Variants in FAM186A observed in about 807,000 individuals in gnomAD.
FAM186A encodes the protein family with sequence similarity 186 member A, also known as protein FAM186A.
Under a neutral mutation model 216.8 loss-of-function variants are expected in FAM186A, and 163 were observed. The ratio of observed to expected loss-of-function variants is 0.75; its 90% CI spans 0.66 to 0.86. The LOEUF (loss-of-function observed/expected upper bound fraction) is 0.86. Among genes scored for constraint, FAM186A ranks in the 40% least tolerant of loss-of-function variants. The probability of loss-of-function intolerance (pLI) is 0.00; values close to 1 mark genes in which losing one functional copy is unlikely to be tolerated. For synonymous variants in FAM186A, 805 were observed against 1,025.3 expected (o/e 0.79, Z 4.10); for missense variants, 2,184 against 2,746.2 (o/e 0.80, Z 4.58).
chr12:50,350,576 T>C lies in FAM186A; in HGVS notation c.6256A>G (p.Lys2086Glu), dbSNP rs1228728217. Residue 2086 changes from lysine to glutamate, a missense_variant, in exon 4 of 8, where the codon AAG (lysine) becomes GAG (glutamate). By Grantham distance (56) the Lys-to-Glu change is moderately conservative. Transcript: ENST00000327337. Reference sequence around the variant, plus strand: ...GGGGGCACCATTACTTTGGGTTTCTTGGTATCTGAAACTGAACTCAGTATC... The same window carrying C: ...GGGGGCACCATTACTTTGGGTTTCTCGGTATCTGAAACTGAACTCAGTATC... ...PWILSSVSDT[K>E]KPKVMVPPSS... 6.4e-7 allele frequency: 1 copy of C among 1,551,644 alleles called. No individual in the cohort carries two copies.
At chr12:50,338,957 G>GA (rs1331923545) in intron 4 of FAM186A, among the ~76,000 whole-genome samples, 1 of 152,016 alleles carries the variant, frequency 6.6e-6, no homozygotes, top group African/African-American at 2.4e-5. Context: ...AGATTAGCAT[G>GA]ATTCTCCTAT....
At position 50,334,079 on chromosome 12, in the gene FAM186A, T is replaced by G. The variant is rs991718985; in HGVS notation, c.6528A>C (p.Lys2176Asn). Residue 2176 changes from lysine to asparagine, a missense_variant, in exon 5 of 8, where the codon AAA becomes AAC. By Grantham distance (94) the Lys-to-Asn change is moderately conservative. Transcript: ENST00000327337. ...HARNNIMKRL[K>N]AIQNTGKGYE... ...AGCCTTTCCCAGTATTTTGGATGGC[T>G]TTTAGTCGTTTCATTATGTTGTTCC... 7 of 1,547,338 alleles carry G rather than the reference T, an allele frequency of 4.5e-6. No homozygotes were observed. In the Admixed American group the frequency reaches 1.4e-4, roughly 31 times the overall value.
In FAM186A at chr12:50,351,825, G is replaced by A. The variant is rs777452496; in HGVS notation, c.5007C>T (p.His1669=). 4.0e-5 allele frequency: 62 copies of A among 1,545,250 alleles called. No individual in the cohort carries two copies. The highest frequency in any genetic ancestry group is 7.3e-5 in the East Asian group (3 of 40,908). Reference sequence around the variant, plus strand: ...CTAAGTTCATAGGGGACTCCAAAGCGTGGGTTTGCTCAGAGGTAAGAGTGA... The same window carrying A: ...CTAAGTTCATAGGGGACTCCAAAGCATGGGTTTGCTCAGAGGTAAGAGTGA... ...SAVTLTSEQT[H]ALESPMNLEQ... is the part of the protein sequence containing the mutation. The change falls in exon 4 of 8, where the codon CAC becomes CAT. Residue 1669 remains histidine, a synonymous_variant. Coordinates refer to ENST00000327337, the MANE Select transcript of FAM186A (RefSeq NM_001145475.3).
At chr12:50,346,237 A>G (rs4768969) in intron 4 of FAM186A, among the ~76,000 whole-genome samples, 38,483 of 101,778 alleles carry the variant, frequency 0.38, 9,686 homozygotes, top group South Asian at 0.53. Flanking sequence ...AAGAAAGAAA[A>G]AAAGAAAGAA....
intron 1 of FAM186A, 69 bp downstream of exon 1, chr12:50,396,224 A>G: frequency 7.2e-7 from 1 of 1,386,226 alleles, no homozygotes; most frequent in Non-Finnish European, 9.6e-7. Flanking sequence ...AAAATAAACA[A>G]AAATGTACTT....
At chr12:50,387,333 G>A (rs1406702315) in intron 1 of FAM186A, among the ~76,000 whole-genome samples, 1 of 152,220 alleles carries the variant, frequency 6.6e-6, no homozygotes, top group East Asian at 1.9e-4. Context: ...AGGTATTGTG[G>A]AAGGGGAATG....
chr12:50,352,766 C>G lies in FAM186A; in HGVS notation c.4066G>C (p.Ala1356Pro), dbSNP rs1024588876. Residue 1356 changes from alanine to proline, a missense_variant, in exon 4 of 8, where the codon GCT becomes CCT. Transcript: ENST00000327337. Reference sequence around the variant, plus strand: ...GTGAGAGGGATCCCCAGTTCCTGAGCCTGCTGAGTGGTGAGAGGCATCCCC... The same window carrying G: ...GTGAGAGGGATCCCCAGTTCCTGAGGCTGCTGAGTGGTGAGAGGCATCCCC... ...ALGMPLTTQQ[A>P]QELGIPLTPQ... is the part of the protein sequence containing the mutation. The G allele has an allele frequency of 6.5e-7, 1 of 1,541,754 alleles. No individual in the cohort carries two copies. The highest frequency in any genetic ancestry group is 2.0e-5 in the Admixed American group (1 of 50,180).
Position 50,379,207 on chromosome 12 carries a change from G to C in FAM186A, c.193-15843C>G, listed in dbSNP as rs140570815. On this transcript the variant is annotated intron_variant, in intron 1 of 7. Transcript: ENST00000327337. Reference sequence around the variant, plus strand: ...TGTAATCCCAGCACTTTGGGAGGCCGAGGTGGGTGGATCATAAGGTCAGGA... The same window carrying C: ...TGTAATCCCAGCACTTTGGGAGGCCCAGGTGGGTGGATCATAAGGTCAGGA... Among the ~76,000 whole-genome samples the C allele has an allele frequency of 5.7e-3, 872 of 152,144 alleles. 8 individuals carry two copies. The highest frequency in any genetic ancestry group is 0.02 in the African/African-American group (832 of 41,522).
intron 3 of FAM186A, among the ~76,000 whole-genome samples, chr12:50,357,174 C>T (rs536626796): frequency 6.6e-6 from 1 of 152,158 alleles, no homozygotes; most frequent in Non-Finnish European, 1.5e-5. Flanking sequence ...TCAAAGCTTG[C>T]CTTGGTTCTT....
Position 50,350,534 on chromosome 12 carries a change from G to A in FAM186A, c.6298C>T (p.Leu2100Phe), listed in dbSNP as rs1942865237. The A allele has an allele frequency of 6.4e-7, 1 of 1,551,628 alleles. No homozygotes were observed. Among genetic ancestry groups the A allele is most frequent in the Non-Finnish European group, 8.7e-7 (1 of 1,146,982 alleles). ...VMVPPSSPQE[L>F]EEKRYFVDVE... ...TCAACAAAATACCTCTTTTCTTCAA[G>A]TTCTTGAGGAGAGGAAGGGGGCACC... Residue 2100 changes from leucine to phenylalanine, a missense_variant, in exon 4 of 8, where the codon CTT becomes TTT. Leu to Phe is a conservative substitution (Grantham distance 22). Around this residue, in one of 7 missense-constraint regions of FAM186A, gnomAD observed 721 missense variants for 816.4 expected, o/e 0.88. Coordinates refer to ENST00000327337, the MANE Select transcript of FAM186A (RefSeq NM_001145475.3).
In FAM186A at chr12:50,351,466, A is replaced by G. The variant is rs750079616; in HGVS notation, c.5366T>C (p.Leu1789Pro). The stretch of plus-strand genomic sequence containing the variant: ...GGAACGAAGAGTCTGTGGTGCCCCA[A>G]GCTTCCCAGGCTCAGAAAGAATCCC... ...EMGILSEPGKLGAPQTLRSSG... is the reference protein window; with the variant it reads ...EMGILSEPGKPGAPQTLRSSG... The change falls in exon 4 of 8, where the codon CTT (leucine) becomes CCT (proline). Residue 1789 changes from leucine to proline, a missense_variant. Coordinates refer to ENST00000327337, the MANE Select transcript of FAM186A (RefSeq NM_001145475.3). The G allele has an allele frequency of 3.0e-5, 44 of 1,477,894 alleles. No individual in the cohort carries two copies. In the Middle Eastern group the frequency reaches 5.3e-4, roughly 18 times the overall value. The allele number at this position is 1,477,894 out of a possible 1,614,324, so 91.5% of individuals were successfully genotyped here. A position where few individuals can be genotyped will look rare whatever the true frequency, so the allele number is the denominator to read the frequency against.
chr12:50,372,461 G>C (rs887978429), intron 1 of FAM186A, among the ~76,000 whole-genome samples: 2 of 151,798 alleles, frequency 1.3e-5, no homozygotes, highest in Non-Finnish European at 2.9e-5. Context: ...GGGCATGGTG[G>C]TGGGCACCTG....
In FAM186A at chr12:50,355,274, C is replaced by G. The variant is rs1942961896; in HGVS notation, c.1558G>C (p.Ala520Pro). ...GTTAAAGAGAGATGTTTTCTTTTTG[C>G]TTCAGTGGGTGACTTTGATTTATCT... ...SEDKSKSPTE[A>P]KRKHLSLTET... Residue 520 changes from alanine (A) to proline (P), a missense_variant, in exon 4 of 8, where the codon GCA (alanine) becomes CCA (proline). This residue lies in a region of FAM186A where 1,132 missense variants were observed against 1,263.4 expected (regional missense o/e 0.90). Transcript: ENST00000327337. The G allele has an allele frequency of 6.4e-7, 1 of 1,551,432 alleles. No homozygotes were observed. Among genetic ancestry groups the G allele is most frequent in the African/African-American group, 1.4e-5 (1 of 73,136 alleles).
chr12:50,393,189 G>T (rs1338366567), intron 1 of FAM186A, among the ~76,000 whole-genome samples: 2 of 151,678 alleles, frequency 1.3e-5, no homozygotes, highest in Non-Finnish European at 2.9e-5. Flanking sequence ...CCTCCAAAGT[G>T]CTGGGATTAC....
intron 6 of FAM186A, among the ~76,000 whole-genome samples, chr12:50,331,316 C>T (rs1031616523): frequency 2.0e-5 from 3 of 152,086 alleles, no homozygotes; most frequent in Non-Finnish European, 2.9e-5. Context: ...CTCGGCTCAC[C>T]GCAACCTCTG....
chr12:50,388,077 G>A (rs571592387), intron 1 of FAM186A, among the ~76,000 whole-genome samples: 1 of 152,094 alleles, frequency 6.6e-6, no homozygotes, highest in Non-Finnish European at 1.5e-5. Flanking sequence ...ACATAGTTAT[G>A]GTTGATTAAA....
At position 50,354,040 on chromosome 12, in the gene FAM186A, T is replaced by G; in HGVS notation, c.2792A>C (p.Lys931Thr). 1 of 1,551,774 alleles carries G rather than the reference T, an allele frequency of 6.4e-7. No individual in the cohort carries two copies. Among genetic ancestry groups the G allele is most frequent in the Non-Finnish European group, 8.7e-7 (1 of 1,147,002 alleles). Residue 931 changes from lysine (K) to threonine (T), a missense_variant, in exon 4 of 8, where the codon AAA (lysine) becomes ACA (threonine). Physicochemically the swap from Lys to Thr is moderately conservative, Grantham distance 78. This residue lies in a region of FAM186A where 1,132 missense variants were observed against 1,263.4 expected (regional missense o/e 0.90). Coordinates refer to ENST00000327337, the MANE Select transcript of FAM186A (RefSeq NM_001145475.3). ...CAAGAGCAACCCTTGTGTTTTCATT[T>G]TTTGGGTCCCTTCTTCCAGCCGCTG... The part of the protein sequence containing the change: ...SLQRLEEGTQ[K>T]MKTQGLLLEK...
chr12:50,361,401 G>T (rs1335967425), intron 2 of FAM186A, among the ~76,000 whole-genome samples: 2 of 151,884 alleles, frequency 1.3e-5, no homozygotes, highest in Non-Finnish European at 2.9e-5. Flanking sequence ...GTTTCACCAT[G>T]TTGGCCAGGC....
chr12:50,373,733 A>G (rs1943171314), intron 1 of FAM186A, among the ~76,000 whole-genome samples: 1 of 152,180 alleles, frequency 6.6e-6, no homozygotes, highest in Non-Finnish European at 1.5e-5. Context: ...CATTGTGGAA[A>G]TCAGTGTGGC....
Sources: gnomAD v4.1 joint callset for allele counts (sites outside exome capture counted in the v4.1 genomes callset) on GRCh38, gnomAD v4.1.1 for gene constraint, gnomAD v4.1.1 regional missense constraint, MANE v1.5 for transcripts, NCBI Gene and HGNC (gene_info 2026-07-23, HGNC 2026-07-21) for gene names.